GATA4: variants seen among roughly 807,000 people sequenced by gnomAD.
GATA4 encodes GATA binding protein 4, also known as transcription factor GATA-4.
A neutral mutation model predicts 37.9 loss-of-function variants in GATA4; 7 were observed. That is an observed-to-expected ratio of 0.18 (90% confidence interval 0.11 to 0.35). The LOEUF (loss-of-function observed/expected upper bound fraction) is 0.35, where lower values mean the gene tolerates loss of function less well. Among genes scored for constraint, GATA4 ranks in the 10% least tolerant of loss-of-function variants. The pLI is 1.00. For synonymous variants in GATA4, 372 were observed against 292.6 expected (o/e 1.27, Z -2.77); for missense variants, 647 against 653.0 (o/e 0.99, Z 0.10).
rs1163632945 is a variant in GATA4 at position 11,759,511 on chromosome 8, C to G, written c.*1036C>G. ...GCCAGAGTCCCTCAGGACCTGCAGCCTCGCCCCGGCAGAAGTCTTTTGTCC... is the reference window on the plus strand; with the variant it reads ...GCCAGAGTCCCTCAGGACCTGCAGCGTCGCCCCGGCAGAAGTCTTTTGTCC... On this transcript the variant is annotated 3_prime_UTR_variant, in exon 7 of 7. Transcript: ENST00000532059. 1.3e-5 allele frequency: 2 copies of G among 152,286 alleles called. No individual in the cohort carries two copies. Among genetic ancestry groups the G allele is most frequent in the African/African-American group, 4.8e-5 (2 of 41,452 alleles). The allele number at this position is 152,286 out of a possible 1,614,324, so 9.4% of individuals were successfully genotyped here.
chr8:11,742,663 CT>C (rs1801805920), intron 2 of GATA4, among the ~76,000 whole-genome samples: 1 of 152,246 alleles, frequency 6.6e-6, no homozygotes, highest in Admixed American at 6.5e-5. Context: ...CTGTGTGGGC[CT>C]CCCCGTGACA....
chr8:11,754,799 T>G (rs925260430), intron 4 of GATA4, among the ~76,000 whole-genome samples: 1 of 152,188 alleles, frequency 6.6e-6, no homozygotes, highest in African/African-American at 2.4e-5. Flanking sequence ...CTGTGTGTCT[T>G]TAGTTCCCTA....
intron 2 of GATA4, among the ~76,000 whole-genome samples, chr8:11,741,472 C>G (rs1801734920): frequency 6.6e-6 from 1 of 151,764 alleles, no homozygotes; most frequent in Non-Finnish European, 1.5e-5. Flanking sequence ...GAGCAAGACC[C>G]CATTGAAAAA....
chr8:11,705,364 GTCC>G (rs1799847524), intron 1 of GATA4, among the ~76,000 whole-genome samples: 1 of 152,320 alleles, frequency 6.6e-6, no homozygotes, highest in African/African-American at 2.4e-5. Context: ...GCGTGCGACC[GTCC>G]TCCTCGCTGC....
intron 2 of GATA4, among the ~76,000 whole-genome samples, chr8:11,737,130 A>T (rs1801499756): frequency 6.6e-6 from 1 of 151,244 alleles, no homozygotes; most frequent in African/African-American, 2.5e-5. Flanking sequence ...CCTCGGTTTG[A>T]TTAAGTAATC....
intron 2 of GATA4, among the ~76,000 whole-genome samples, chr8:11,745,528 G>C (rs567873937): frequency 1.3e-5 from 2 of 152,190 alleles, no homozygotes; most frequent in African/African-American, 4.8e-5. Context: ...TGAGGCTGCA[G>C]TGAGCCGAGA....
upstream of GATA4, chr8:11,704,112 G>C (rs1301294736): frequency 6.6e-6 from 1 of 152,308 alleles, no homozygotes; most frequent in African/African-American, 2.4e-5. Flanking sequence ...CCGGGGCCGC[G>C]CACCCCCGCC....
At chr8:11,716,957 C>T (rs1800459693) in intron 2 of GATA4, among the ~76,000 whole-genome samples, 1 of 152,240 alleles carries the variant, frequency 6.6e-6, no homozygotes, top group African/African-American at 2.4e-5. Context: ...CCAACGCGAG[C>T]TGCTGCTTTA....
In GATA4 at chr8:11,709,013, C is replaced by T; in HGVS notation, c.616+85C>T. ...CTGTCGAGGGCCTCTTGTTTTTCCA[C>T]CAACGCCTTCGTTGGGCTGGGGATG... On this transcript the variant is annotated intron_variant, in intron 2 of 6. Transcript: ENST00000532059. This position sits in a 1 kb window ranked among gnomAD's most constrained non-coding sequence, Gnocchi z 4.3. The T allele has an allele frequency of 7.3e-7, 1 of 1,375,594 alleles. No individual in the cohort carries two copies. The highest frequency in any genetic ancestry group is 1.4e-5 in the South Asian group (1 of 72,492). 85.2% of individuals were successfully genotyped at this position (1,375,594 alleles called of 1,614,324 possible). A position where few individuals can be genotyped will look rare whatever the true frequency, so the allele number is the denominator to read the frequency against.
chr8:11,731,874 G>T (rs10503426), intron 2 of GATA4, among the ~76,000 whole-genome samples: 45,049 of 152,140 alleles, frequency 0.3, 8,492 homozygotes, highest in Non-Finnish European at 0.43. Context: ...AAGTAGCATT[G>T]ATGGACGATT....
chr8:11,756,951 G>A lies in GATA4; in HGVS notation c.1017G>A (p.Glu339=), dbSNP rs373422179. The change falls in exon 6 of 7, where the codon GAG becomes GAA. Residue 339 remains glutamate, a synonymous_variant. Transcript: ENST00000532059. ...SKTPAAPSGS[E]SLPPASGASS... ...TCATTCCAGCTCCTTCAGGCAGTGA[G>A]AGCCTTCCTCCCGCCAGCGGTGCTT... is the stretch of plus-strand genomic sequence containing the variant. 3.7e-5 allele frequency: 60 copies of A among 1,614,114 alleles called. No individual in the cohort carries two copies. The highest frequency in any genetic ancestry group is 3.6e-5 in the Non-Finnish European group (42 of 1,180,062).
At chr8:11,679,923 C>G (rs1020713453) in intron 1 of GATA4, among the ~76,000 whole-genome samples, 1 of 152,172 alleles carries the variant, frequency 6.6e-6, no homozygotes, top group Admixed American at 6.5e-5. Flanking sequence ...TTGTGTGTCG[C>G]CGAATAGTTT....
intron 1 of GATA4, among the ~76,000 whole-genome samples, chr8:11,706,336 A>ATAGTATATACAT (rs1799888679): frequency 6.6e-6 from 1 of 152,242 alleles, no homozygotes; most frequent in Non-Finnish European, 1.5e-5. Context: ...ATCATTTATT[A>ATAGTATATACAT]TAGTATATAC....
At chr8:11,688,129 C>T (rs148896595), upstream of GATA4, among the ~76,000 whole-genome samples, 1,001 of 152,296 alleles carry the variant, frequency 6.6e-3, 8 homozygotes, top group African/African-American at 0.022. Flanking sequence ...ATCATCCAGC[C>T]TTTCCAAGGT....
In GATA4 at chr8:11,749,830, G is replaced by A. The variant is rs1802207575; in HGVS notation, c.787-281G>A. On this transcript the variant is annotated intron_variant, in intron 3 of 6. Coordinates refer to ENST00000532059, the MANE Select transcript of GATA4 (RefSeq NM_001308093.3). This position sits in a 1 kb window ranked among gnomAD's most constrained non-coding sequence, Gnocchi z 4.6. ...TGCCGGCAGTGCCCGGCGCTCACTG[G>A]TTATTCGCCTGACGGTGAATGATGG... 6.6e-6 allele frequency among the ~76,000 whole-genome samples: 1 copy of A among 152,222 alleles called. No individual in the cohort carries two copies.
upstream of GATA4, among the ~76,000 whole-genome samples, chr8:11,690,189 C>G (rs569543969): frequency 6.6e-6 from 1 of 152,202 alleles, no homozygotes; most frequent in Non-Finnish European, 1.5e-5. Context: ...TGGCATCTTC[C>G]GCACATGAGC....
At chr8:11,693,570 G>C (rs989012107) in intron 1 of GATA4, among the ~76,000 whole-genome samples, 2,935 of 136,170 alleles carry the variant, frequency 0.022, 56 homozygotes, top group African/African-American at 0.058. Context: ...CACAGAGAGA[G>C]AGAGAGAGAG....
intron 1 of GATA4, chr8:11,697,797 C>A (rs1422765698): frequency 5.1e-6 from 5 of 985,434 alleles, no homozygotes; most frequent in Middle Eastern, 5.2e-4. Flanking sequence ...CACCTCGGGG[C>A]GAGGGCAAGG....
intron 4 of GATA4, among the ~76,000 whole-genome samples, chr8:11,750,462 G>A (rs1802247558): frequency 6.6e-6 from 1 of 152,210 alleles, no homozygotes; most frequent in Admixed American, 6.5e-5. Flanking sequence ...GTAGCAGTTT[G>A]ATGTGTAACA....
Sources: allele counts gnomAD v4.1 joint callset (sites outside exome capture counted in the v4.1 genomes callset), GRCh38; gene constraint gnomAD v4.1.1; non-coding constraint Gnocchi (gnomAD v3.1); transcripts MANE v1.5; gene names NCBI Gene and HGNC (gene_info 2026-07-23, HGNC 2026-07-21).